The following GOLGA6L9 variants were observed in gnomAD, a reference collection of about 807,000 sequenced individuals.
GOLGA6L9 encodes golgin subfamily A member 6-like protein 9.
Under a neutral mutation model 51.3 loss-of-function variants are expected in GOLGA6L9, and 19 were observed. The observed-to-expected ratio is 0.37, with a 90% CI of 0.26 to 0.54. The LOEUF (loss-of-function observed/expected upper bound fraction) is 0.54. GOLGA6L9 is among the 20% of genes least tolerant of loss of function. GOLGA6L9 has a pLI of 0.83. For missense variants in GOLGA6L9, 247 were observed against 464.1 expected, an observed-to-expected ratio of 0.53 and a Z score of 4.30; for synonymous variants, 97 against 184.2, an observed-to-expected ratio of 0.53 and a Z score of 3.83.
At chr15:82,427,367 CTT>C (rs1172954929), upstream of GOLGA6L9, among the ~76,000 whole-genome samples, 1 of 149,488 alleles carries the variant, frequency 6.7e-6, no homozygotes, top group East Asian at 2.0e-4. Context: ...CCCTCTCTCT[CTT>C]TCTTCCTTTC....
At chr15:82,418,348 G>C in the GOLGA6L9 span, among the ~76,000 whole-genome samples, 2 of 152,160 alleles carry the variant, frequency 1.3e-5, no homozygotes, top group African/African-American at 4.8e-5. Context: ...GGAATCTCAA[G>C]CAAGGGAAAG....
chr15:82,429,902 G>C lies in GOLGA6L9; in HGVS notation c.-178G>C. Reference sequence around the variant, plus strand: ...CTACAGGTCCCTCTGGACATGCTGCGCCTGGCCACGCCTCCTTTCCCTTTC... The same window carrying C: ...CTACAGGTCCCTCTGGACATGCTGCCCCTGGCCACGCCTCCTTTCCCTTTC... On this transcript the variant is annotated 5_prime_UTR_variant, in exon 1 of 9. Transcript: ENST00000618348. 2.5e-6 allele frequency: 2 copies of C among 799,082 alleles called. No individual in the cohort carries two copies. Among genetic ancestry groups the C allele is most frequent in the Non-Finnish European group, 4.4e-6 (2 of 456,416 alleles). The allele number at this position is 799,082 out of a possible 1,614,324, so 49.5% of individuals were successfully genotyped here. A position where few individuals can be genotyped will look rare whatever the true frequency, so the allele number is the denominator to read the frequency against.
chr15:82,420,406 T>A, the GOLGA6L9 span, among the ~76,000 whole-genome samples: 3 of 151,884 alleles, frequency 2.0e-5, no homozygotes. Flanking sequence ...TGAGTTCATG[T>A]TATAAAATTA....
At chr15:82,416,782 C>A in the GOLGA6L9 span, among the ~76,000 whole-genome samples, 1 of 152,108 alleles carries the variant, frequency 6.6e-6, no homozygotes, top group Non-Finnish European at 1.5e-5. Context: ...TATTTTATGT[C>A]CATATCTTTG....
At chr15:82,416,315 G>A in the GOLGA6L9 span, among the ~76,000 whole-genome samples, 55 of 152,312 alleles carry the variant, frequency 3.6e-4, no homozygotes, top group African/African-American at 1.3e-3. Flanking sequence ...CTGTGGATTG[G>A]TGACAGATTT....
In GOLGA6L9 at chr15:82,436,643, A is replaced by C. The variant is rs2031699320; in HGVS notation, c.*232A>C. 2 of 373,394 alleles carry C rather than the reference A, an allele frequency of 5.4e-6. No individual in the cohort carries two copies. The highest frequency in any genetic ancestry group is 8.8e-6 in the Non-Finnish European group (2 of 226,090). The allele number at this position is 373,394 out of a possible 1,614,324, so 23.1% of individuals were successfully genotyped here. A position where few individuals can be genotyped will look rare whatever the true frequency, so the allele number is the denominator to read the frequency against. ...TTAAATTTATTTTTGTTTCTAATTTATAATTTAAATTTATTTGTAAAAAGT... is the reference window on the plus strand; with the variant it reads ...TTAAATTTATTTTTGTTTCTAATTTCTAATTTAAATTTATTTGTAAAAAGT... On this transcript the variant is annotated 3_prime_UTR_variant, in exon 9 of 9. Transcript: ENST00000618348.
chr15:82,419,677 AAAAC>A, the GOLGA6L9 span, among the ~76,000 whole-genome samples: 1 of 152,080 alleles, frequency 6.6e-6, no homozygotes, highest in African/African-American at 2.4e-5. Context: ...CAAAACAAAA[AAAAC>A]AGAATGAAAA....
Position 82,436,531 on chromosome 15 carries a change from T to G in GOLGA6L9, c.*120T>G. 7.4e-7 allele frequency: 1 copy of G among 1,356,128 alleles called. No homozygotes were observed. The highest frequency in any genetic ancestry group is 9.9e-7 in the Non-Finnish European group (1 of 1,011,794). The allele number at this position is 1,356,128 out of a possible 1,614,324, so 84.0% of individuals were successfully genotyped here. A position where few individuals can be genotyped will look rare whatever the true frequency, so the allele number is the denominator to read the frequency against. ...ATGTTTGTGTTTCTAATTTATAGTT[T>G]AAATTTATTTGTGTTTCTAATTTAT... On this transcript the variant is annotated 3_prime_UTR_variant, in exon 9 of 9. Coordinates refer to ENST00000618348, the MANE Select transcript of GOLGA6L9 (RefSeq NM_198181.4).
Position 82,429,855 on chromosome 15 carries a change from A to G in GOLGA6L9, c.-225A>G, listed in dbSNP as rs1344604765. On this transcript the variant is annotated 5_prime_UTR_variant, in exon 1 of 9. It removes an upstream start codon present in the reference 5' UTR. Transcript: ENST00000618348. ...CTGAGTGGGCGGGGACAGCGGTTGC[A>G]TGGGCAGCTTTCCTTATGATGCTAC... Among the ~76,000 whole-genome samples, 2 of 152,100 alleles carry G rather than the reference A, an allele frequency of 1.3e-5. No individual in the cohort carries two copies. Among genetic ancestry groups the G allele is most frequent in the African/African-American group, 4.8e-5 (2 of 41,388 alleles).
intron 4 of GOLGA6L9, among the ~76,000 whole-genome samples, chr15:82,433,187 A>C (rs62011158): frequency 1.3e-5 from 2 of 148,272 alleles, no homozygotes; most frequent in East Asian, 4.1e-4. Context: ...TGGTTGTCAG[A>C]GGTCCATATT....
At position 82,433,929 on chromosome 15, in the gene GOLGA6L9, G is replaced by A. The variant is rs2031531643; in HGVS notation, c.434-105G>A. ...GGTGTGAGGAGTCATTAGCAGTGAG[G>A]CCAAGTTTGGGAAGCCTGAGAGGAG... is the stretch of plus-strand genomic sequence containing the variant. On this transcript the variant is annotated intron_variant, in intron 5 of 8. Transcript: ENST00000618348. 5.6e-6 allele frequency: 8 copies of A among 1,437,804 alleles called. No homozygotes were observed. In the South Asian group the frequency reaches 7.5e-5, roughly 13 times the overall value. The allele number at this position is 1,437,804 out of a possible 1,614,324, so 89.1% of individuals were successfully genotyped here.
In GOLGA6L9 at chr15:82,432,810, A is replaced by C. The variant is rs1323724738; in HGVS notation, c.265-7A>C. The C allele has an allele frequency of 5.0e-6, 8 of 1,611,618 alleles. No individual in the cohort carries two copies. Among genetic ancestry groups the C allele is most frequent in the East Asian group, 4.5e-5 (2 of 44,852 alleles). On this transcript the variant is annotated splice_polypyrimidine_tract_variant and splice_region_variant and intron_variant, in intron 3 of 8. Coordinates refer to ENST00000618348, the MANE Select transcript of GOLGA6L9 (RefSeq NM_198181.4). ...TCTCCAACTCCTTCTCTCTGCATGC[A>C]CCTCAGAGCCAGTACCAAGAACTAG...
the GOLGA6L9 span, among the ~76,000 whole-genome samples, chr15:82,420,900 A>C: frequency 1.4e-5 from 2 of 145,174 alleles, no homozygotes; most frequent in African/African-American, 5.2e-5. Context: ...ATGGTGCTCT[A>C]AGAAACTTCC....
At chr15:82,433,345 G>C (rs1327589957) in intron 4 of GOLGA6L9, among the ~76,000 whole-genome samples, 22 of 151,460 alleles carry the variant, frequency 1.5e-4, no homozygotes, top group Admixed American at 3.9e-4. Context: ...AGAATGGAAA[G>C]CTCAGGGCGA....
Position 82,431,942 on chromosome 15 carries a change from C to A in GOLGA6L9, c.197C>A (p.Pro66His). 1 of 1,353,374 alleles carries A rather than the reference C, an allele frequency of 7.4e-7. No individual in the cohort carries two copies. The highest frequency in any genetic ancestry group is 9.8e-7 in the Non-Finnish European group (1 of 1,022,744). 83.8% of individuals were successfully genotyped at this position (1,353,374 alleles called of 1,614,324 possible). Reference protein sequence around the residue: ...DTFTSGGYHSPGDSATGIYGE... With the variant: ...DTFTSGGYHSHGDSATGIYGE... ...TTCACTTCTGGTGGTTACCACTCAC[C>A]TGGGGATGTGAGTCTCGGCGGGCCA... Residue 66 changes from proline (P) to histidine (H), a missense_variant, in exon 2 of 9, where the codon CCT (proline) becomes CAT (histidine). This residue lies in a region of GOLGA6L9 where 74 missense variants were observed against 91.2 expected (regional missense o/e 0.81). Coordinates refer to ENST00000618348, the MANE Select transcript of GOLGA6L9 (RefSeq NM_198181.4).
At chr15:82,427,359 C>T (rs2031230439), upstream of GOLGA6L9, among the ~76,000 whole-genome samples, 1 of 149,960 alleles carries the variant, frequency 6.7e-6, no homozygotes, top group South Asian at 2.1e-4. Context: ...TCTTCTTTCC[C>T]TCTCTCTCTT....
Position 82,434,350 on chromosome 15 carries a change from A to G in GOLGA6L9, c.750A>G (p.Glu250=). The change falls in exon 6 of 9, where the codon GAA becomes GAG. Residue 250 remains glutamate, a synonymous_variant. Transcript: ENST00000618348. ...TGCCAGGGCAGGAGAGGCTGCTGGA[A>G]GAGGTGGAGAAGCTGTTAGAACAGG... is the stretch of plus-strand genomic sequence containing the variant. ...EKLPGQERLL[E]EVEKLLEQER... The G allele has an allele frequency of 2.0e-6, 3 of 1,517,834 alleles. No individual in the cohort carries two copies. The highest frequency in any genetic ancestry group is 2.7e-6 in the Non-Finnish European group (3 of 1,131,394). The allele number at this position is 1,517,834 out of a possible 1,614,324, so 94.0% of individuals were successfully genotyped here.
upstream of GOLGA6L9, among the ~76,000 whole-genome samples, chr15:82,428,958 G>C (rs2031291463): frequency 6.6e-6 from 1 of 151,616 alleles, no homozygotes; most frequent in South Asian, 2.1e-4. Flanking sequence ...GCAAGGCCTA[G>C]AGTGGCCTGG....
At chr15:82,434,674 TGGG>T (rs2031599574) in intron 6 of GOLGA6L9, 72 bp downstream of exon 6, 1 of 914,490 alleles carries the variant, frequency 1.1e-6, no homozygotes, top group Non-Finnish European at 1.7e-6. Flanking sequence ...ACCTGTAAAA[TGGG>T]GCATTGTAGC....
Sources: allele counts gnomAD v4.1 joint callset (sites outside exome capture counted in the v4.1 genomes callset), GRCh38; gene constraint gnomAD v4.1.1; regional missense constraint gnomAD v4.1.1; transcripts MANE v1.5; gene names NCBI Gene and HGNC (gene_info 2026-07-23, HGNC 2026-07-21).